Variants in GRID2 observed in about 807,000 individuals in gnomAD.
GRID2 encodes glutamate ionotropic receptor delta type subunit 2.
In GRID2, 33 loss-of-function variants were observed where a neutral mutation model predicts 114.8. The ratio of observed to expected loss-of-function variants is 0.29; its 90% CI spans 0.22 to 0.38. GRID2 has a LOEUF of 0.38. GRID2 is among the 10% of genes least tolerant of loss of function. The pLI is 1.00. For missense variants in GRID2, 1,184 were observed against 1,257.7 expected (o/e 0.94, Z 0.89); for synonymous variants, 505 against 449.9 (o/e 1.12, Z -1.55).
At chr4:92,810,356 A>G (rs1740611906) in intron 2 of GRID2, among the ~76,000 whole-genome samples, 1 of 151,976 alleles carries the variant, frequency 6.6e-6, no homozygotes, top group South Asian at 2.1e-4. Context: ...ACACTTTAAG[A>G]ATTTTTAAAA....
rs566846109 is a variant in GRID2, at chr4:92,541,798, T to C, written c.89-48333T>C. On this transcript the variant is annotated intron_variant, in intron 1 of 15. Coordinates refer to ENST00000282020, the MANE Select transcript of GRID2 (RefSeq NM_001510.4). Reference sequence around the variant, plus strand: ...GACAGATATTTCTGGAAAAAAAAAATCTTAATTTACTGTTAGAGAATCCTG... The same window carrying C: ...GACAGATATTTCTGGAAAAAAAAAACCTTAATTTACTGTTAGAGAATCCTG... Among the ~76,000 whole-genome samples, 5 of 151,980 alleles carry C rather than the reference T, an allele frequency of 3.3e-5. No homozygotes were observed. In the South Asian group the frequency reaches 1.0e-3, roughly 32 times the overall value.
chr4:92,659,090 A>G (rs1172755692), intron 2 of GRID2, among the ~76,000 whole-genome samples: 1 of 133,706 alleles, frequency 7.5e-6, no homozygotes, highest in African/African-American at 2.7e-5. Context: ...AGAAATAAAG[A>G]TGGTTATATT....
At chr4:92,593,270 T>TA in intron 2 of GRID2, among the ~76,000 whole-genome samples, 1 of 152,130 alleles carries the variant, frequency 6.6e-6, no homozygotes, top group South Asian at 2.1e-4. Context: ...GTTAGATAAG[T>TA]AAAATCTAAT....
intron 1 of GRID2, among the ~76,000 whole-genome samples, chr4:92,433,422 C>T (rs1489258122): frequency 6.6e-6 from 1 of 152,202 alleles, no homozygotes; most frequent in African/African-American, 2.4e-5. Flanking sequence ...AACTTAGGTT[C>T]CGACTGCTGG....
chr4:92,730,003 TATC>T (rs1267346434), intron 2 of GRID2, among the ~76,000 whole-genome samples: 3 of 151,976 alleles, frequency 2.0e-5, no homozygotes, highest in Non-Finnish European at 4.4e-5. Flanking sequence ...TAATATGTGT[TATC>T]ATTTATGCCA....
At chr4:93,116,193 T>A (rs1733234904) in intron 4 of GRID2, among the ~76,000 whole-genome samples, 1 of 152,180 alleles carries the variant, frequency 6.6e-6, no homozygotes, top group Non-Finnish European at 1.5e-5. Context: ...GTATAGTAAT[T>A]GTAAAGACAA....
chr4:92,686,456 A>T (rs546593671), intron 2 of GRID2, among the ~76,000 whole-genome samples: 2 of 152,086 alleles, frequency 1.3e-5, no homozygotes, highest in Admixed American at 1.3e-4. Context: ...TCTATCATGT[A>T]TCAAAAGCAA....
chr4:93,172,021 A>T (rs1455974084), intron 4 of GRID2, among the ~76,000 whole-genome samples: 1 of 152,212 alleles, frequency 6.6e-6, no homozygotes, highest in Non-Finnish European at 1.5e-5. Context: ...ATTTGAGGTC[A>T]TATGAATTAT....
intron 9 of GRID2, among the ~76,000 whole-genome samples, chr4:93,399,651 G>T (rs903615735): frequency 6.6e-6 from 1 of 152,122 alleles, no homozygotes; most frequent in Non-Finnish European, 1.5e-5. Context: ...ATCACTCATA[G>T]TAGTAGTGAG....
intron 4 of GRID2, among the ~76,000 whole-genome samples, chr4:93,194,796 G>A (rs1455250364): frequency 6.6e-6 from 1 of 152,138 alleles, no homozygotes; most frequent in African/African-American, 2.4e-5. Context: ...TGCATCAACT[G>A]AGAACTCGTT....
intron 13 of GRID2, among the ~76,000 whole-genome samples, chr4:93,591,005 G>T (rs1375372961): frequency 1.3e-5 from 2 of 151,358 alleles, no homozygotes; most frequent in Non-Finnish European, 2.9e-5. Flanking sequence ...CTGCAAACAG[G>T]GACAATTGGA....
chr4:93,181,158 G>A lies in GRID2; in HGVS notation c.736-26246G>A, dbSNP rs1439788730. Among the ~76,000 whole-genome samples, 10 of 152,274 alleles carry A rather than the reference G, an allele frequency of 6.6e-5. No individual in the cohort carries two copies. In the East Asian group the frequency reaches 1.5e-3, roughly 23 times the overall value. On this transcript the variant is annotated intron_variant, in intron 4 of 15. Coordinates refer to ENST00000282020, the MANE Select transcript of GRID2 (RefSeq NM_001510.4). ...TTGATCTATGGACTACAGACTGGAT[G>A]TTGTATTAGCGGGCATGAAAACAAC... is the stretch of plus-strand genomic sequence containing the variant.
intron 2 of GRID2, among the ~76,000 whole-genome samples, chr4:92,806,904 A>G (rs1303709638): frequency 6.6e-6 from 1 of 151,884 alleles, no homozygotes; most frequent in Non-Finnish European, 1.5e-5. Context: ...TCAGAGACCA[A>G]AAAAAAGCAA....
At chr4:93,592,306 C>T (rs561741935) in intron 13 of GRID2, among the ~76,000 whole-genome samples, 15 of 152,170 alleles carry the variant, frequency 9.9e-5, no homozygotes, top group Admixed American at 2.6e-4. Flanking sequence ...GCCTTCATTT[C>T]GTTATGTACC....
chr4:93,669,944 A>G (rs1724262872), intron 14 of GRID2, among the ~76,000 whole-genome samples: 2 of 152,112 alleles, frequency 1.3e-5, no homozygotes, highest in South Asian at 4.1e-4. Flanking sequence ...GGCTGTTTTA[A>G]AATTCCAATG....
intron 2 of GRID2, among the ~76,000 whole-genome samples, chr4:93,056,903 G>C (rs1036540153): frequency 5.3e-5 from 8 of 151,804 alleles, no homozygotes; most frequent in Non-Finnish European, 8.8e-5. Context: ...TTTAAATTTT[G>C]CCAGATTAAA....
chr4:93,788,146 G>A (rs1028258548), intron 1 of GRID2, among the ~76,000 whole-genome samples: 3 of 151,838 alleles, frequency 2.0e-5, no homozygotes, highest in Non-Finnish European at 2.9e-5. Flanking sequence ...GCGAAACCCC[G>A]TCTCTACTAA....
chr4:92,314,701 A>G (rs1725877668), intron 1 of GRID2, among the ~76,000 whole-genome samples: 1 of 152,148 alleles, frequency 6.6e-6, no homozygotes, highest in African/African-American at 2.4e-5. Flanking sequence ...TGTAAGGTAT[A>G]TATGAAGCAT....
intron 2 of GRID2, among the ~76,000 whole-genome samples, chr4:93,030,727 C>T (rs573923244): frequency 1.3e-5 from 2 of 151,840 alleles, no homozygotes; most frequent in South Asian, 2.1e-4. Context: ...TACAAACAGA[C>T]CTCTTCAAAT....
Sources: gnomAD v4.1 joint callset for allele counts (sites outside exome capture counted in the v4.1 genomes callset) on GRCh38, gnomAD v4.1.1 for gene constraint, MANE v1.5 for transcripts, NCBI Gene and HGNC (gene_info 2026-07-23, HGNC 2026-07-21) for gene names.